The following ZC3H12B variants were observed in gnomAD, a reference collection of about 807,000 sequenced individuals.
ZC3H12B encodes the protein probable ribonuclease ZC3H12B.
In ZC3H12B, 7 loss-of-function variants were observed where a neutral mutation model predicts 43.9. That is an observed-to-expected ratio of 0.16 (90% CI 0.09 to 0.30). The LOEUF (loss-of-function observed/expected upper bound fraction) is 0.30. ZC3H12B is among the 10% of genes least tolerant of loss of function. The probability of loss-of-function intolerance (pLI) is 1.00; values close to 1 mark genes in which losing one functional copy is unlikely to be tolerated. For synonymous variants in ZC3H12B, 222 were observed against 241.7 expected, an observed-to-expected ratio of 0.92 and a Z score of 0.76; for missense variants, 475 against 670.2, an observed-to-expected ratio of 0.71 and a Z score of 3.22.
At chrX:65,175,755 T>C in the ZC3H12B span, among the ~76,000 whole-genome samples, 2 of 111,995 alleles carry the variant, frequency 1.8e-5, no homozygotes, top group Admixed American at 1.9e-4. Context: ...TGAAGCACGG[T>C]GGGGCGTTGC....
chrX:65,317,255 TAAAA>T, the ZC3H12B span, among the ~76,000 whole-genome samples: 1 of 98,389 alleles, frequency 1.0e-5, no homozygotes, highest in African/African-American at 3.6e-5. Flanking sequence ...CTCAACCAAT[TAAAA>T]AAAAAAAACA....
the ZC3H12B span, among the ~76,000 whole-genome samples, chrX:65,200,020 G>A: frequency 9.0e-6 from 1 of 111,156 alleles, no homozygotes; most frequent in Admixed American, 9.6e-5. Context: ...CTAGGTCTTC[G>A]AGGAATCACC....
chrX:65,095,444 G>C, the ZC3H12B span, among the ~76,000 whole-genome samples: 2 of 110,914 alleles, frequency 1.8e-5, no homozygotes, highest in Non-Finnish European at 3.8e-5. Context: ...CAAATTACTG[G>C]CCCCAAATTG....
At chrX:65,468,892 A>T (rs1370690681) in intron 3 of ZC3H12B, among the ~76,000 whole-genome samples, 1 of 108,767 alleles carries the variant, frequency 9.2e-6, no homozygotes, top group Non-Finnish European at 1.9e-5. Flanking sequence ...TCATCTTTTT[A>T]ACAACATCCT....
the ZC3H12B span, among the ~76,000 whole-genome samples, chrX:65,119,922 G>T: frequency 9.0e-6 from 1 of 111,633 alleles, no homozygotes; most frequent in Non-Finnish European, 1.9e-5. Flanking sequence ...CCCATTTCTG[G>T]TTTTTGTCAG....
At chrX:65,154,220 T>TA in the ZC3H12B span, among the ~76,000 whole-genome samples, 1 of 111,881 alleles carries the variant, frequency 8.9e-6, no homozygotes, top group South Asian at 3.7e-4. Flanking sequence ...CCCTAAAACT[T>TA]AAAGTACAAT....
At chrX:65,422,339 C>T (rs2148086310) in intron 3 of ZC3H12B, among the ~76,000 whole-genome samples, 1 of 111,467 alleles carries the variant, frequency 9.0e-6, no homozygotes, top group East Asian at 2.8e-4. Flanking sequence ...GGGAATATTT[C>T]CATCAGGAGA....
the ZC3H12B span, among the ~76,000 whole-genome samples, chrX:65,117,026 G>A: frequency 1.8e-5 from 2 of 111,951 alleles, no homozygotes; most frequent in South Asian, 7.4e-4. Context: ...ACATACATGT[G>A]CATGTGTCTT....
At chrX:65,197,224 C>A in the ZC3H12B span, among the ~76,000 whole-genome samples, 1 of 111,637 alleles carries the variant, frequency 9.0e-6, no homozygotes, top group East Asian at 2.8e-4. Context: ...GGGGAGGGAG[C>A]CAGCACAGGC....
chrX:65,206,650 A>AG, the ZC3H12B span, among the ~76,000 whole-genome samples: 25,175 of 111,131 alleles, frequency 0.23, 6,907 homozygotes, highest in African/African-American at 0.78. Context: ...ACAAAAATAA[A>AG]ATAAATAGAT....
chrX:65,269,284 G>T, the ZC3H12B span, among the ~76,000 whole-genome samples: 2 of 109,097 alleles, frequency 1.8e-5, no homozygotes, highest in Non-Finnish European at 3.8e-5. Flanking sequence ...GGTGGAGGTT[G>T]CAGTGAACGA....
chrX:65,337,644 T>C, the ZC3H12B span, among the ~76,000 whole-genome samples: 2 of 112,723 alleles, frequency 1.8e-5, no homozygotes, highest in Non-Finnish European at 3.7e-5. Context: ...AATTATTGTT[T>C]TTCAATATAT....
At chrX:65,240,095 A>G in the ZC3H12B span, among the ~76,000 whole-genome samples, 1 of 110,854 alleles carries the variant, frequency 9.0e-6, no homozygotes, top group Admixed American at 9.6e-5. Flanking sequence ...GGTTCTCTCA[A>G]TTTCCTAAAT....
intron 3 of ZC3H12B, among the ~76,000 whole-genome samples, chrX:65,457,585 A>T (rs1344834794): frequency 1.2e-5 from 1 of 81,616 alleles, no homozygotes; most frequent in Non-Finnish European, 2.0e-5. Context: ...CTCACTGGGG[A>T]TGGGCCATGA....
chrX:65,270,847 A>T, the ZC3H12B span: 1 of 111,535 alleles, frequency 9.0e-6, no homozygotes, highest in Non-Finnish European at 1.9e-5. Flanking sequence ...TTCCAAGCCC[A>T]TGAAGACCCA....
At chrX:65,302,540 T>G in the ZC3H12B span, among the ~76,000 whole-genome samples, 10 of 112,411 alleles carry the variant, frequency 8.9e-5, no homozygotes, top group Non-Finnish European at 1.9e-4. Context: ...AGTCATTTTA[T>G]GTTTATGGAT....
chrX:65,466,835 C>T (rs1174262812), intron 3 of ZC3H12B, among the ~76,000 whole-genome samples: 2 of 91,498 alleles, frequency 2.2e-5, no homozygotes, highest in African/African-American at 7.6e-5. Flanking sequence ...AGCACCTTTT[C>T]TTATACTTCT....
chrX:65,472,780 T>C (rs1307109300), intron 3 of ZC3H12B, among the ~76,000 whole-genome samples: 1 of 95,937 alleles, frequency 1.0e-5, no homozygotes, highest in African/African-American at 3.9e-5. Flanking sequence ...TTGGCCTATG[T>C]TTGTTTTTAT....
At chrX:65,050,827 G>A in the ZC3H12B span, among the ~76,000 whole-genome samples, 2 of 111,476 alleles carry the variant, frequency 1.8e-5, no homozygotes, top group Admixed American at 1.9e-4. Context: ...TGACTTGCTA[G>A]TATTTTGTTG....
Sources: allele counts gnomAD v4.1 joint callset (sites outside exome capture counted in the v4.1 genomes callset), GRCh38; gene constraint gnomAD v4.1.1; transcripts MANE v1.5; gene names NCBI Gene and HGNC (gene_info 2026-07-23, HGNC 2026-07-21).